The following DLC1 variants were observed in gnomAD, a reference collection of about 807,000 sequenced individuals.
DLC1 encodes the protein DLC1 Rho GTPase activating protein.
A neutral mutation model predicts 140.3 loss-of-function variants in DLC1; 54 were observed. The ratio of observed to expected loss-of-function variants is 0.38; its 90% CI spans 0.31 to 0.48. The LOEUF is 0.48. Among genes scored for constraint, DLC1 ranks in the 20% least tolerant of loss-of-function variants. DLC1 has a pLI of 0.96. For synonymous variants in DLC1, 986 were observed against 728.1 expected (o/e 1.35, Z -5.70); for missense variants, 2,536 against 1,907.0 (o/e 1.33, Z -6.14).
chr8:13,470,078 T>C (rs1035280697), intron 2 of DLC1, among the ~76,000 whole-genome samples: 20 of 152,226 alleles, frequency 1.3e-4, no homozygotes, highest in Admixed American at 7.9e-4. Flanking sequence ...CTTATTTTTT[T>C]CCCCCTTTGG....
intron 5 of DLC1, among the ~76,000 whole-genome samples, chr8:13,287,799 A>C (rs1831586761): frequency 6.7e-6 from 1 of 149,748 alleles, no homozygotes. Flanking sequence ...GAAAGGATAC[A>C]TGGAGAAAGG....
At chr8:13,537,369 C>T (rs1020152252) in intron 1 of DLC1, among the ~76,000 whole-genome samples, 1 of 152,166 alleles carries the variant, frequency 6.6e-6, no homozygotes, top group Non-Finnish European at 1.5e-5. Context: ...TAGCGTATGA[C>T]TCTCACTGAG....
intron 5 of DLC1, chr8:13,214,425 T>G (rs1828093669): frequency 2.0e-6 from 1 of 496,918 alleles, no homozygotes; most frequent in African/African-American, 1.9e-5. Flanking sequence ...CTGAAGGACC[T>G]TGCAGCTTTG....
At chr8:13,416,864 T>A (rs934819661) in intron 2 of DLC1, among the ~76,000 whole-genome samples, 8 of 152,084 alleles carry the variant, frequency 5.3e-5, no homozygotes, top group African/African-American at 1.9e-4. Context: ...AGGAACTCCA[T>A]GAAAAACATA....
At chr8:13,584,936 A>G (rs1231337937) in intron 1 of DLC1, among the ~76,000 whole-genome samples, 1 of 152,088 alleles carries the variant, frequency 6.6e-6, no homozygotes, top group Non-Finnish European at 1.5e-5. Context: ...TTACACCTCT[A>G]ATCCCATTTT....
chr8:13,475,221 G>T (rs917603450), intron 2 of DLC1, among the ~76,000 whole-genome samples: 4 of 152,184 alleles, frequency 2.6e-5, no homozygotes, highest in South Asian at 2.1e-4. Flanking sequence ...TGCCTCAAAC[G>T]TTTATATCAG....
At chr8:13,175,442 T>A (rs1055552060) in intron 5 of DLC1, among the ~76,000 whole-genome samples, 5 of 152,128 alleles carry the variant, frequency 3.3e-5, no homozygotes, top group Non-Finnish European at 7.3e-5. Context: ...AATCTGAAAG[T>A]TCACCTTTTC....
chr8:13,528,338 A>C (rs867807744), intron 1 of DLC1, among the ~76,000 whole-genome samples: 1 of 152,192 alleles, frequency 6.6e-6, no homozygotes, highest in Non-Finnish European at 1.5e-5. Flanking sequence ...AAAAATGAAA[A>C]TTTAAAAAAC....
In DLC1 at chr8:13,345,547, C is replaced by CTTTTTTTTTTTTTTTTTTTTTTTTT. The variant is rs535092622; in HGVS notation, c.1315-40246_1315-40245insAAAAAAAAAAAAAAAAAAAAAAAAA. ...GATTATCTGAAATTTTTCACTCACA[C>CTTTTTTTTTTTTTTTTTTTTTTTTT]TTTTTTTTTTTTTTTTTTTTTTTGG... On this transcript the variant is annotated intron_variant, in intron 4 of 17. Coordinates refer to ENST00000276297, the MANE Select transcript of DLC1 (RefSeq NM_182643.3). Among the ~76,000 whole-genome samples the CTTTTTTTTTTTTTTTTTTTTTTTTT allele has an allele frequency of 5.2e-4, 35 of 67,516 alleles. 8 individuals carry two copies. The highest frequency in any genetic ancestry group is 7.4e-4 in the Admixed American group (3 of 4,076). The allele number at this position is 67,516 out of a possible 152,430, so 44.3% of individuals were successfully genotyped here. A position where few individuals can be genotyped will look rare whatever the true frequency, so the allele number is the denominator to read the frequency against.
rs1462623371 is a variant in DLC1, at chr8:13,567,519, C to G, written c.-126+37018G>C. ...TACCCGATGAACTTTTGAACAGAAT[C>G]TACTTTAAAAACATGAGGACAACGC... On this transcript the variant is annotated intron_variant, in intron 1 of 1. Transcript: ENST00000631382. 6 of 1,551,814 alleles carry G rather than the reference C, an allele frequency of 3.9e-6. No homozygotes were observed. The African/African-American group carries it at 5.5e-5, about 14-fold the overall frequency.
At position 13,086,433 on chromosome 8, in the gene DLC1, G is replaced by T. The variant is rs1342874378; in HGVS notation, c.4323C>A (p.Ala1441=). The change falls in exon 17 of 18, where the codon GCC becomes GCA. Residue 1441 remains alanine (A), a synonymous_variant. Coordinates refer to ENST00000276297, the MANE Select transcript of DLC1 (RefSeq NM_182643.3). ...RTWRTNLPKG[A]CALLLTSVDH... ...CCACAGAGGTTAGTAAAAGGGCACA[G>T]GCTCCTTTGGGTAAATTAGTCCTCC... 1 of 1,614,106 alleles carries T rather than the reference G, an allele frequency of 6.2e-7. No individual in the cohort carries two copies. Among genetic ancestry groups the T allele is most frequent in the African/African-American group, 1.3e-5 (1 of 74,932 alleles).
chr8:13,129,244 C>CT (rs1271857387), intron 5 of DLC1, among the ~76,000 whole-genome samples: 1 of 152,216 alleles, frequency 6.6e-6, no homozygotes, highest in Non-Finnish European at 1.5e-5. Context: ...CAGCCTTCAC[C>CT]TCCCTCTGCA....
intron 5 of DLC1, among the ~76,000 whole-genome samples, chr8:13,215,324 G>A (rs1192945487): frequency 2.0e-5 from 3 of 152,168 alleles, no homozygotes; most frequent in South Asian, 2.1e-4. Context: ...AGTGGCTCAC[G>A]CCTGTAATCC....
chr8:13,277,949 T>C (rs937448103), intron 5 of DLC1, among the ~76,000 whole-genome samples: 1 of 152,236 alleles, frequency 6.6e-6, no homozygotes, highest in African/African-American at 2.4e-5. Flanking sequence ...TTTTCACATA[T>C]ATCTTTAACA....
chr8:13,347,638 G>GT (rs1234749776), intron 4 of DLC1, among the ~76,000 whole-genome samples: 1 of 152,174 alleles, frequency 6.6e-6, no homozygotes, highest in African/African-American at 2.4e-5. Context: ...AGTGGCTGTA[G>GT]TTTTTTTCTG....
chr8:13,164,328 A>G (rs1289013480), intron 5 of DLC1, among the ~76,000 whole-genome samples: 6 of 147,110 alleles, frequency 4.1e-5, no homozygotes, highest in Admixed American at 1.3e-4. Flanking sequence ...CTATCTATCT[A>G]TCTGTCTGTC....
At chr8:13,234,353 A>C (rs942680301) in intron 5 of DLC1, among the ~76,000 whole-genome samples, 1 of 152,128 alleles carries the variant, frequency 6.6e-6, no homozygotes, top group African/African-American at 2.4e-5. Context: ...TTCCTCATCT[A>C]CTAGTTGAAG....
intron 4 of DLC1, among the ~76,000 whole-genome samples, chr8:13,343,075 T>C (rs1043155391): frequency 1.3e-5 from 2 of 152,190 alleles, no homozygotes; most frequent in African/African-American, 2.4e-5. Context: ...CAGAGATACT[T>C]ATTTGCTATA....
At chr8:13,481,961 GC>G (rs1222593539) in intron 2 of DLC1, among the ~76,000 whole-genome samples, 3 of 152,142 alleles carry the variant, frequency 2.0e-5, no homozygotes, top group African/African-American at 7.2e-5. Context: ...GCCAAAGAAT[GC>G]CAAAGATTAG....
Sources: allele counts gnomAD v4.1 joint callset (sites outside exome capture counted in the v4.1 genomes callset), GRCh38; gene constraint gnomAD v4.1.1; transcripts MANE v1.5; gene names NCBI Gene and HGNC (gene_info 2026-07-23, HGNC 2026-07-21).